Variants in AFAP1 observed in about 807,000 individuals in gnomAD.
The protein encoded by AFAP1 is actin filament associated protein 1.
In AFAP1, 75 loss-of-function variants were observed where a neutral mutation model predicts 93.9. That is an observed-to-expected ratio of 0.80 (90% CI 0.66 to 0.97). The LOEUF is 0.97. Among genes scored for constraint, AFAP1 ranks in the 50% least tolerant of loss-of-function variants. The probability of loss-of-function intolerance (pLI) is 0.00; values close to 1 mark genes in which losing one functional copy is unlikely to be tolerated. For synonymous variants in AFAP1, 517 were observed against 430.7 expected (o/e 1.20, Z -2.48); for missense variants, 1,201 against 1,050.8 (o/e 1.14, Z -1.98).
rs934627686 is a variant in AFAP1 at position 7,759,447 on chromosome 4, G to C, written c.*4318C>G. 1 of 152,646 alleles carries C rather than the reference G, an allele frequency of 6.6e-6. No individual in the cohort carries two copies. Among genetic ancestry groups the C allele is most frequent in the Admixed American group, 6.5e-5 (1 of 15,280 alleles). The allele number at this position is 152,646 out of a possible 1,614,324, so 9.5% of individuals were successfully genotyped here. On this transcript the variant is annotated 3_prime_UTR_variant, in exon 18 of 18. Coordinates refer to ENST00000420658, the MANE Select transcript of AFAP1 (RefSeq NM_001134647.2). Reference sequence around the variant, plus strand: ...ATGGCTTGGGGACTCACGAATAGAGGTGACTGCTTTTTCTGCAGTGCTGTG... The same window carrying C: ...ATGGCTTGGGGACTCACGAATAGAGCTGACTGCTTTTTCTGCAGTGCTGTG...
At chr4:7,898,808 AGTGTGTGTGTGT>A (rs56404898) in intron 1 of AFAP1, among the ~76,000 whole-genome samples, 1 of 136,956 alleles carries the variant, frequency 7.3e-6, no homozygotes, top group African/African-American at 2.7e-5. Flanking sequence ...GGGCAGTAGA[AGTGTGTGTGTGT>A]GTGTGTGTGT....
chr4:7,824,131 G>A (rs1484298288), intron 6 of AFAP1, among the ~76,000 whole-genome samples: 1 of 152,120 alleles, frequency 6.6e-6, no homozygotes, highest in Non-Finnish European at 1.5e-5. Context: ...CCAATTCTTT[G>A]AACAGCTATA....
chr4:7,877,412 C>G (rs1717580528), intron 1 of AFAP1, among the ~76,000 whole-genome samples: 1 of 152,226 alleles, frequency 6.6e-6, no homozygotes, highest in Admixed American at 6.5e-5. Flanking sequence ...AGCTTTTAGT[C>G]TGCTTTTCTT....
Position 7,763,148 on chromosome 4 carries a change from T to C in AFAP1, c.*617A>G, listed in dbSNP as rs1250770325. The C allele has an allele frequency of 6.6e-6, 1 of 152,626 alleles. No homozygotes were observed. Among genetic ancestry groups the C allele is most frequent in the Non-Finnish European group, 1.5e-5 (1 of 68,076 alleles). The allele number at this position is 152,626 out of a possible 1,614,324, so 9.5% of individuals were successfully genotyped here. A position where few individuals can be genotyped will look rare whatever the true frequency, so the allele number is the denominator to read the frequency against. On this transcript the variant is annotated 3_prime_UTR_variant, in exon 18 of 18. Coordinates refer to ENST00000420658, the MANE Select transcript of AFAP1 (RefSeq NM_001134647.2). ...TTTTCATGTCTTGGTGACAAAAGCA[T>C]CTGTCCAAAAAATAATAATAAAAGG...
At chr4:7,805,681 G>A (rs958549731) in intron 9 of AFAP1, among the ~76,000 whole-genome samples, 1 of 152,180 alleles carries the variant, frequency 6.6e-6, no homozygotes, top group Non-Finnish European at 1.5e-5. Context: ...GGAATGCATG[G>A]CATTCAACAA....
At chr4:7,852,646 A>G (rs139040738) in intron 4 of AFAP1, among the ~76,000 whole-genome samples, 155 of 152,222 alleles carry the variant, frequency 1.0e-3, no homozygotes, top group African/African-American at 3.4e-3. Context: ...AACCACGACC[A>G]ACCAAGGGGT....
At chr4:7,841,374 C>G (rs868739839) in intron 5 of AFAP1, among the ~76,000 whole-genome samples, 1 of 152,232 alleles carries the variant, frequency 6.6e-6, no homozygotes, top group Non-Finnish European at 1.5e-5. Context: ...TCAATGCAGA[C>G]AGTCCCCGAG....
chr4:7,902,701 T>C (rs997170523), intron 1 of AFAP1, among the ~76,000 whole-genome samples: 1 of 152,216 alleles, frequency 6.6e-6, no homozygotes, highest in Non-Finnish European at 1.5e-5. Flanking sequence ...ATATTCTCCA[T>C]TGCGGTTACA....
chr4:7,917,709 G>C (rs937799639), intron 1 of AFAP1, among the ~76,000 whole-genome samples: 1 of 152,134 alleles, frequency 6.6e-6, no homozygotes, highest in South Asian at 2.1e-4. Flanking sequence ...CCAAAACTTA[G>C]AGATAAAATG....
chr4:7,901,260 G>C (rs978330687), intron 1 of AFAP1, among the ~76,000 whole-genome samples: 2 of 152,088 alleles, frequency 1.3e-5, no homozygotes, highest in African/African-American at 4.8e-5. Flanking sequence ...TGAAGCCAAG[G>C]GTGCCTATTG....
chr4:7,840,258 T>C (rs560485182), intron 5 of AFAP1, among the ~76,000 whole-genome samples: 1 of 65,140 alleles, frequency 1.5e-5, no homozygotes, highest in East Asian at 5.2e-4. Flanking sequence ...GGTTTGTTTT[T>C]GGGATGTGTG....
At chr4:7,888,079 G>C (rs112559457) in intron 1 of AFAP1, among the ~76,000 whole-genome samples, 3 of 151,814 alleles carry the variant, frequency 2.0e-5, no homozygotes, top group Non-Finnish European at 4.4e-5. Flanking sequence ...TGCCCACCTC[G>C]GCCTCACAAA....
chr4:7,833,096 A>T (rs1659703953), intron 6 of AFAP1, among the ~76,000 whole-genome samples: 1 of 152,254 alleles, frequency 6.6e-6, no homozygotes, highest in African/African-American at 2.4e-5. Flanking sequence ...GGCTTAGGCA[A>T]GGACTTCATG....
At chr4:7,850,238 G>C (rs562462655) in intron 4 of AFAP1, among the ~76,000 whole-genome samples, 11 of 152,318 alleles carry the variant, frequency 7.2e-5, no homozygotes, top group Non-Finnish European at 1.5e-4. Flanking sequence ...AAGGACACAA[G>C]ATAGCTCCCT....
chr4:7,901,120 C>T lies in AFAP1; in HGVS notation c.-2-29040G>A, dbSNP rs114292872. 9.4e-3 allele frequency among the ~76,000 whole-genome samples: 1,427 copies of T among 152,288 alleles called. 22 individuals are homozygous for T. Among genetic ancestry groups the T allele is most frequent in the African/African-American group, 0.032 (1,342 of 41,552 alleles). ...TGTGTTGAATGCAGTTTGGGACCTA[C>T]CCTATGAGGAAGAATATAATCATGT... On this transcript the variant is annotated intron_variant, in intron 1 of 17. Coordinates refer to ENST00000420658, the MANE Select transcript of AFAP1 (RefSeq NM_001134647.2).
At chr4:7,933,632 C>A (rs191629386) in intron 1 of AFAP1, among the ~76,000 whole-genome samples, 1 of 152,174 alleles carries the variant, frequency 6.6e-6, no homozygotes, top group East Asian at 1.9e-4. Flanking sequence ...AGAAATGCGC[C>A]CAGGGGAATT....
chr4:7,939,217 A>C lies in AFAP1; in HGVS notation c.-3+439T>G. On this transcript the variant is annotated intron_variant, in intron 1 of 17. Transcript: ENST00000420658. The surrounding 1 kb of genome is among the most constrained non-coding windows in gnomAD (Gnocchi z 5.6). ...CCAGAGTCACGGACCCCCTCGTCCG[A>C]GGGTCCGCGCAGTCCCCTCGGTAAG... 4.4e-6 allele frequency: 1 copy of C among 227,718 alleles called. No homozygotes were observed. Among genetic ancestry groups the C allele is most frequent in the Non-Finnish European group, 9.1e-6 (1 of 110,216 alleles). The allele number at this position is 227,718 out of a possible 1,614,324, so 14.1% of individuals were successfully genotyped here.
In AFAP1 at chr4:7,887,276, C is replaced by T. The variant is rs146959567; in HGVS notation, c.-2-15196G>A. Reference sequence around the variant, plus strand: ...TTTGAACATTCACTAAAAACAAGAACAATTAAGTCACTGCAAAATATTTGG... The same window carrying T: ...TTTGAACATTCACTAAAAACAAGAATAATTAAGTCACTGCAAAATATTTGG... On this transcript the variant is annotated intron_variant, in intron 1 of 17. Transcript: ENST00000420658. Among the ~76,000 whole-genome samples, 325 of 152,228 alleles carry T rather than the reference C, an allele frequency of 2.1e-3. 1 individual carries two copies. Among genetic ancestry groups the T allele is most frequent in the African/African-American group, 7.5e-3 (313 of 41,524 alleles).
At chr4:7,857,930 G>A (rs775256354) in intron 3 of AFAP1, among the ~76,000 whole-genome samples, 15 of 152,120 alleles carry the variant, frequency 9.9e-5, no homozygotes, top group Middle Eastern at 3.4e-3. Context: ...AACCTTTTGC[G>A]TATCCCCTTA....
Sources: gnomAD v4.1 joint callset for allele counts (sites outside exome capture counted in the v4.1 genomes callset) on GRCh38, gnomAD v4.1.1 for gene constraint, Gnocchi (gnomAD v3.1) non-coding constraint, MANE v1.5 for transcripts, NCBI Gene and HGNC (gene_info 2026-07-23, HGNC 2026-07-21) for gene names.